The following OTUD4 variants were observed in gnomAD, a reference collection of about 807,000 sequenced individuals.
OTUD4 encodes the protein OTU deubiquitinase 4.
In OTUD4, 24 loss-of-function variants were observed where a neutral mutation model predicts 130.4. That is an observed-to-expected ratio of 0.18 (90% CI 0.13 to 0.26). The LOEUF is 0.26. Ranked by LOEUF, OTUD4 falls within the 10% of genes least tolerant of loss-of-function variation. The probability of loss-of-function intolerance (pLI) is 1.00; values close to 1 mark genes in which losing one functional copy is unlikely to be tolerated. For synonymous variants in OTUD4, 420 were observed against 472.5 expected (o/e 0.89, Z 1.44); for missense variants, 1,031 against 1,329.4 (o/e 0.78, Z 3.49).
rs900910230 is a variant in OTUD4, at chr4:145,180,567, G to A, written c.-594C>T. 5.9e-5 allele frequency among the ~76,000 whole-genome samples: 9 copies of A among 152,212 alleles called. No individual in the cohort carries two copies. The highest frequency in any genetic ancestry group is 2.2e-4 in the African/African-American group (9 of 41,460). On this transcript the variant is annotated 5_prime_UTR_variant, in exon 1 of 21. Transcript: ENST00000447906. ...CAGCCCAGAATTTGTTTTCGCTTTC[G>A]GCCCGACAGCGGAGAGGACGGCGGG...
chr4:145,169,238 C>T (rs190602452), intron 3 of OTUD4, among the ~76,000 whole-genome samples: 1 of 152,164 alleles, frequency 6.6e-6, no homozygotes, highest in East Asian at 1.9e-4. Flanking sequence ...ATACACTTGT[C>T]AAATCTCATC....
At chr4:145,153,089 A>T (rs558380130) in intron 10 of OTUD4, among the ~76,000 whole-genome samples, 11 of 152,318 alleles carry the variant, frequency 7.2e-5, no homozygotes, top group African/African-American at 2.2e-4. Flanking sequence ...TAAAAACAAA[A>T]TAAGTTCAAA....
chr4:145,171,017 C>G (rs1344135632), intron 3 of OTUD4: 1 of 152,272 alleles, frequency 6.6e-6, no homozygotes, highest in Non-Finnish European at 1.5e-5. Flanking sequence ...TGAAAGAACT[C>G]TGCCTTCTCA....
chr4:145,140,285 GCTTT>G (rs1449852956), intron 19 of OTUD4, among the ~76,000 whole-genome samples: 5 of 152,266 alleles, frequency 3.3e-5, no homozygotes, highest in East Asian at 1.9e-4. Context: ...CATTCAGGTG[GCTTT>G]CTTTCTCAAC....
In OTUD4 at chr4:145,179,954, A is replaced by T; in HGVS notation, c.20T>A (p.Val7Asp). MEAAVG[V>D]PDGGDQGGAG... Reference sequence around the variant, plus strand: ...GCCGCCCTGGTCCCCGCCGTCGGGGACGCCGACGGCAGCCTCCATGTTGCT... The same window carrying T: ...GCCGCCCTGGTCCCCGCCGTCGGGGTCGCCGACGGCAGCCTCCATGTTGCT... The change falls in exon 1 of 21, where the codon GTC becomes GAC. Residue 7 changes from valine to aspartate, a missense_variant. Val to Asp is a radical substitution (Grantham distance 152, BLOSUM62 -3). Transcript: ENST00000447906. The T allele has an allele frequency of 6.6e-7, 1 of 1,520,064 alleles. No individual in the cohort carries two copies. Among genetic ancestry groups the T allele is most frequent in the Non-Finnish European group, 8.8e-7 (1 of 1,141,188 alleles). 94.2% of individuals were successfully genotyped at this position (1,520,064 alleles called of 1,614,324 possible). A position where few individuals can be genotyped will look rare whatever the true frequency, so the allele number is the denominator to read the frequency against.
rs1351107258 is a variant in OTUD4, at chr4:145,137,946, T to G, written c.2829A>C (p.Thr943=). Residue 943 remains threonine (T), a synonymous_variant, in exon 21 of 21, where the codon ACA becomes ACC. Transcript: ENST00000447906. ...AAGCCAATGCCGTATCTGCCTTTCG[T>G]GTCTGGGAAGATTGCTCTGTCCGGC... is the stretch of plus-strand genomic sequence containing the variant. The part of the protein sequence containing the change: ...DEGRTEQSSQ[T]RKADTALASI... 1.9e-6 allele frequency: 3 copies of G among 1,614,190 alleles called. No individual in the cohort carries two copies. Among genetic ancestry groups the G allele is most frequent in the Non-Finnish European group, 2.5e-6 (3 of 1,180,048 alleles).
chr4:145,160,343 C>G (rs1331752615), intron 6 of OTUD4, among the ~76,000 whole-genome samples: 1 of 152,066 alleles, frequency 6.6e-6, no homozygotes, highest in Non-Finnish European at 1.5e-5. Flanking sequence ...TCAGCAGCCA[C>G]TGAAAGAAAG....
chr4:145,146,512 AAC>A (rs1290867894), intron 13 of OTUD4, 83 bp from the exon 14 acceptor site: 7 of 913,376 alleles, frequency 7.7e-6, no homozygotes, highest in Non-Finnish European at 1.1e-5. Flanking sequence ...AAAAAAAAAA[AAC>A]ACAAAACTGT....
In OTUD4 at chr4:145,171,734, A is replaced by G; in HGVS notation, c.244-14T>C. On this transcript the variant is annotated splice_polypyrimidine_tract_variant and intron_variant, in intron 2 of 20. Transcript: ENST00000447906. ...TCCTTCTATAAACTGCAAAAAATAAATCTATTAGAAATGTCATCTAACATA... is the reference window on the plus strand; with the variant it reads ...TCCTTCTATAAACTGCAAAAAATAAGTCTATTAGAAATGTCATCTAACATA... 8.6e-7 allele frequency: 1 copy of G among 1,156,752 alleles called. No individual in the cohort carries two copies. 71.7% of individuals were successfully genotyped at this position (1,156,752 alleles called of 1,614,324 possible).
At chr4:145,175,975 T>C (rs1326732581) in intron 1 of OTUD4, among the ~76,000 whole-genome samples, 1 of 151,332 alleles carries the variant, frequency 6.6e-6, no homozygotes, top group African/African-American at 2.4e-5. Context: ...CAAGCGATTC[T>C]CCTGCCTCAG....
chr4:145,173,819 T>C (rs1752292557), intron 2 of OTUD4, among the ~76,000 whole-genome samples: 2 of 152,192 alleles, frequency 1.3e-5, no homozygotes, highest in Non-Finnish European at 2.9e-5. Flanking sequence ...CACATACTAC[T>C]GAGAAAATTA....
chr4:145,174,881 T>C (rs954296318), intron 1 of OTUD4, 137 bp from the exon 2 acceptor site: 1 of 608,422 alleles, frequency 1.6e-6, no homozygotes. Context: ...ATAATTTCGA[T>C]ATCTTTACTC....
Position 145,137,251 on chromosome 4 carries a change from T to G in OTUD4, c.*179A>C. 2 of 490,864 alleles carry G rather than the reference T, an allele frequency of 4.1e-6. No homozygotes were observed. Among genetic ancestry groups the G allele is most frequent in the Non-Finnish European group, 7.1e-6 (2 of 280,520 alleles). 30.4% of individuals were successfully genotyped at this position (490,864 alleles called of 1,614,324 possible). On this transcript the variant is annotated 3_prime_UTR_variant, in exon 21 of 21. Transcript: ENST00000447906. ...TGAAGAAAACTGGCAATGCCAGGAA[T>G]TAACCTGCCCCCTTGAACTCATGTC...
rs1301797274 is a variant in OTUD4, at chr4:145,134,980, A to T, written c.*2450T>A. On this transcript the variant is annotated 3_prime_UTR_variant, in exon 21 of 21. Transcript: ENST00000447906. ...TTATAAAGAAATATGTCAACATAAC[A>T]GTATGACATAACAGTTAAAATGAAG... The T allele has an allele frequency of 7.6e-6, 3 of 396,500 alleles. No individual in the cohort carries two copies. In the East Asian group the frequency reaches 1.1e-4, roughly 14 times the overall value. 24.6% of individuals were successfully genotyped at this position (396,500 alleles called of 1,614,324 possible).
chr4:145,142,855 G>C (rs1375732028), intron 17 of OTUD4, among the ~76,000 whole-genome samples: 1 of 152,128 alleles, frequency 6.6e-6, no homozygotes, highest in Admixed American at 6.5e-5. Context: ...CTCTACTCTT[G>C]TATTAGTCAA....
At chr4:145,178,000 C>T (rs1434554257) in intron 1 of OTUD4, 1 of 152,224 alleles carries the variant, frequency 6.6e-6, no homozygotes, top group Non-Finnish European at 1.5e-5. Context: ...TACTGAATAA[C>T]TGAACTTCCC....
chr4:145,137,882 T>C lies in OTUD4; in HGVS notation c.2893A>G (p.Thr965Ala). Residue 965 changes from threonine (T) to alanine (A), a missense_variant, in exon 21 of 21, where the codon ACT becomes GCT. Thr to Ala is a moderately conservative substitution (Grantham distance 58, BLOSUM62 0). Transcript: ENST00000447906. ...TCTCTCTCTCTGTTTAGAATCTGAG[T>C]GGGAGGATGAGCCTTTCCCTCTGCT... is the stretch of plus-strand genomic sequence containing the variant. ...PVAEGKAHPPTQILNRERETV... is the reference protein window; with the variant it reads ...PVAEGKAHPPAQILNRERETV... 6.2e-7 allele frequency: 1 copy of C among 1,614,024 alleles called. No individual in the cohort carries two copies. Among genetic ancestry groups the C allele is most frequent in the South Asian group, 1.1e-5 (1 of 91,072 alleles).
In OTUD4 at chr4:145,143,449, T is replaced by C; in HGVS notation, c.1603-4A>G. The C allele has an allele frequency of 1.3e-6, 2 of 1,591,762 alleles. No individual in the cohort carries two copies. The highest frequency in any genetic ancestry group is 1.7e-6 in the Non-Finnish European group (2 of 1,164,332). ...CATATTTATCATCAGTAATATTCTTTGGAAGCAAAAAAGAAGCAAAGTTTT... is the reference window on the plus strand; with the variant it reads ...CATATTTATCATCAGTAATATTCTTCGGAAGCAAAAAAGAAGCAAAGTTTT... On this transcript the variant is annotated splice_polypyrimidine_tract_variant and splice_region_variant and intron_variant, in intron 16 of 20. Transcript: ENST00000447906.
chr4:145,179,171 C>T (rs902162419), intron 1 of OTUD4, among the ~76,000 whole-genome samples: 7 of 152,146 alleles, frequency 4.6e-5, no homozygotes, highest in Non-Finnish European at 5.9e-5. Context: ...TCAAAACAGG[C>T]TTTTTTAAAA....
Sources: allele counts gnomAD v4.1 joint callset (sites outside exome capture counted in the v4.1 genomes callset), GRCh38; gene constraint gnomAD v4.1.1; transcripts MANE v1.5; gene names NCBI Gene and HGNC (gene_info 2026-07-23, HGNC 2026-07-21).